The following FNDC3A variants were observed in gnomAD, a reference collection of about 807,000 sequenced individuals.
FNDC3A encodes the protein fibronectin type-III domain-containing protein 3A.
In FNDC3A, 32 loss-of-function variants were observed where a neutral mutation model predicts 148.9. The ratio of observed to expected loss-of-function variants is 0.21; its 90% CI spans 0.16 to 0.29. The LOEUF (loss-of-function observed/expected upper bound fraction) is 0.29, where lower values mean the gene tolerates loss of function less well. FNDC3A is among the 10% of genes least tolerant of loss of function. The probability of loss-of-function intolerance (pLI) is 1.00; values close to 1 mark genes in which losing one functional copy is unlikely to be tolerated. For missense variants in FNDC3A, 1,191 were observed against 1,452.8 expected (o/e 0.82, Z 2.93); for synonymous variants, 472 against 473.6 (o/e 1.00, Z 0.04).
At chr13:49,102,967 A>G (rs1391167322) in intron 3 of FNDC3A, among the ~76,000 whole-genome samples, 2 of 152,158 alleles carry the variant, frequency 1.3e-5, no homozygotes, top group African/African-American at 2.4e-5. Context: ...TTCCTGAACT[A>G]TTGATTTTCA....
At chr13:49,100,114 T>C (rs1879771162) in intron 3 of FNDC3A, among the ~76,000 whole-genome samples, 1 of 152,168 alleles carries the variant, frequency 6.6e-6, no homozygotes, top group South Asian at 2.1e-4. Context: ...TTGTTCCATT[T>C]ATATTACTCC....
chr13:49,187,080 T>C, intron 15 of FNDC3A, 42 bp from the exon 16 acceptor site: 1 of 1,423,828 alleles, frequency 7.0e-7, no homozygotes. Context: ...ATTTTTATGT[T>C]GTTTTGTACC....
At chr13:48,996,755 A>G (rs1952031192) in intron 1 of FNDC3A, among the ~76,000 whole-genome samples, 1 of 152,130 alleles carries the variant, frequency 6.6e-6, no homozygotes, top group Admixed American at 6.6e-5. Flanking sequence ...ACATCAAAAA[A>G]CCACATCAAA....
intron 4 of FNDC3A, among the ~76,000 whole-genome samples, chr13:49,123,234 A>G (rs1297885732): frequency 2.0e-5 from 3 of 152,228 alleles, no homozygotes; most frequent in Non-Finnish European, 2.9e-5. Flanking sequence ...CCGGGCAAAA[A>G]CAACCAATGG....
intron 1 of FNDC3A, among the ~76,000 whole-genome samples, chr13:48,983,879 ATAAT>A (rs1482066858): frequency 2.0e-5 from 3 of 152,336 alleles, no homozygotes; most frequent in East Asian, 1.9e-4. Flanking sequence ...AACAAGAAAA[ATAAT>A]TAACCTGTAA....
At chr13:49,028,807 G>T (rs966372046) in intron 2 of FNDC3A, among the ~76,000 whole-genome samples, 1 of 152,178 alleles carries the variant, frequency 6.6e-6, no homozygotes, top group Admixed American at 6.5e-5. Context: ...CCTTCAATAG[G>T]TAGAATATTA....
At chr13:49,161,485 G>T (rs1477613411) in intron 8 of FNDC3A, among the ~76,000 whole-genome samples, 3 of 152,000 alleles carry the variant, frequency 2.0e-5, no homozygotes, top group African/African-American at 7.3e-5. Context: ...TTTTGAGCCT[G>T]TGTGTGTGTC....
intron 3 of FNDC3A, among the ~76,000 whole-genome samples, chr13:49,100,179 C>T (rs1199916556): frequency 6.6e-6 from 1 of 152,070 alleles, no homozygotes; most frequent in Non-Finnish European, 1.5e-5. Flanking sequence ...AATGTACTTG[C>T]ATATGTTTTT....
At chr13:49,030,192 G>A (rs1386826624) in intron 2 of FNDC3A, among the ~76,000 whole-genome samples, 1 of 152,168 alleles carries the variant, frequency 6.6e-6, no homozygotes, top group African/African-American at 2.4e-5. Flanking sequence ...ACTTCATTAT[G>A]TACATCAACT....
At chr13:49,032,650 G>T (rs149866578) in intron 2 of FNDC3A, among the ~76,000 whole-genome samples, 3 of 152,042 alleles carry the variant, frequency 2.0e-5, no homozygotes, top group African/African-American at 7.2e-5. Context: ...GCAGGAGAAT[G>T]GCGTGAACCC....
At position 49,045,762 on chromosome 13, in the gene FNDC3A, A is replaced by C. The variant is rs189753317; in HGVS notation, c.100-29527A>C. On this transcript the variant is annotated intron_variant, in intron 2 of 25. Coordinates refer to ENST00000492622, the MANE Select transcript of FNDC3A (RefSeq NM_001079673.2). ...ATGTTTTCTTTGTTTTGATTTTGAC[A>C]GCATAGCATCTGATTTTAATGACAG... is the stretch of plus-strand genomic sequence containing the variant. The C allele has an allele frequency of 2.1e-4, 138 of 651,824 alleles. No individual in the cohort carries two copies. In the African/African-American group the frequency reaches 2.5e-3, roughly 12 times the overall value. The allele number at this position is 651,824 out of a possible 1,614,324, so 40.4% of individuals were successfully genotyped here.
chr13:49,039,354 C>A (rs1299418542), intron 2 of FNDC3A, among the ~76,000 whole-genome samples: 2 of 152,032 alleles, frequency 1.3e-5, no homozygotes, highest in African/African-American at 2.4e-5. Context: ...CTAACTTTTC[C>A]CAAGCTGTAG....
intron 4 of FNDC3A, among the ~76,000 whole-genome samples, chr13:49,122,936 T>C (rs1300785950): frequency 6.6e-6 from 1 of 152,184 alleles, no homozygotes; most frequent in African/African-American, 2.4e-5. Context: ...AAGTAATTTA[T>C]AGATTCAATG....
chr13:49,111,913 T>C (rs1487306317), intron 3 of FNDC3A, among the ~76,000 whole-genome samples: 3 of 152,110 alleles, frequency 2.0e-5, no homozygotes, highest in Non-Finnish European at 2.9e-5. Context: ...GCATCACACT[T>C]AGATATAATT....
chr13:49,126,713 T>A (rs1881722820), intron 4 of FNDC3A, among the ~76,000 whole-genome samples: 1 of 152,206 alleles, frequency 6.6e-6, no homozygotes, highest in Non-Finnish European at 1.5e-5. Context: ...GGGCAAGTTA[T>A]TTAACATCTC....
intron 6 of FNDC3A, among the ~76,000 whole-genome samples, chr13:49,138,006 T>C (rs1882479170): frequency 6.6e-6 from 1 of 152,224 alleles, no homozygotes; most frequent in South Asian, 2.1e-4. Context: ...TTGAATATGC[T>C]TATCTAAATT....
chr13:49,111,009 A>G (rs1224140512), intron 3 of FNDC3A, among the ~76,000 whole-genome samples: 1 of 152,148 alleles, frequency 6.6e-6, no homozygotes, highest in African/African-American at 2.4e-5. Flanking sequence ...ATCATGCTCA[A>G]ATCACATAGA....
At chr13:49,051,250 A>G (rs1875821569) in intron 2 of FNDC3A, among the ~76,000 whole-genome samples, 1 of 151,746 alleles carries the variant, frequency 6.6e-6, no homozygotes, top group Non-Finnish European at 1.5e-5. Flanking sequence ...TCATTGTGTT[A>G]TTGTTATATA....
chr13:49,145,703 C>A, intron 7 of FNDC3A, 75 bp from the exon 8 acceptor site: 1 of 1,159,666 alleles, frequency 8.6e-7, no homozygotes, highest in Non-Finnish European at 1.3e-6. Context: ...ATCTTGAAAC[C>A]TCATTAGATA....
Sources: gnomAD v4.1 joint callset for allele counts (sites outside exome capture counted in the v4.1 genomes callset) on GRCh38, gnomAD v4.1.1 for gene constraint, MANE v1.5 for transcripts, NCBI Gene and HGNC (gene_info 2026-07-23, HGNC 2026-07-21) for gene names.